The following MALRD1 variants were observed in gnomAD, a reference collection of about 807,000 sequenced individuals.
MALRD1 encodes MAM and LDL-receptor class A domain-containing protein 1.
MALRD1 carries 247 observed loss-of-function variants against 242.1 expected under a neutral mutation model. That is an observed-to-expected ratio of 1.02 (90% confidence interval 0.92 to 1.13). MALRD1 has a LOEUF of 1.13. Among genes scored for constraint, MALRD1 ranks in the 50% most tolerant of loss-of-function variants. MALRD1 has a pLI of 0.00. For missense variants in MALRD1, 2,989 were observed against 2,533.1 expected (o/e 1.18, Z -3.86); for synonymous variants, 995 against 866.6 (o/e 1.15, Z -2.60).
intron 4 of MALRD1, among the ~76,000 whole-genome samples, chr10:19,097,998 C>G (rs1836106609): frequency 6.6e-6 from 1 of 152,038 alleles, no homozygotes; most frequent in South Asian, 2.1e-4. Flanking sequence ...ATTGAGTGGC[C>G]ATTCTTTTAT....
intron 26 of MALRD1, among the ~76,000 whole-genome samples, chr10:19,366,979 A>C: frequency 6.6e-6 from 1 of 152,060 alleles, no homozygotes; most frequent in Non-Finnish European, 1.5e-5. Context: ...TTTGCATTTA[A>C]AATTTTTTTA....
At chr10:19,235,017 A>G (rs1191580543) in intron 18 of MALRD1, among the ~76,000 whole-genome samples, 2 of 152,204 alleles carry the variant, frequency 1.3e-5, no homozygotes, top group Non-Finnish European at 2.9e-5. Context: ...AAAAAGTTCC[A>G]GAATGCATGG....
chr10:19,275,647 C>A (rs762218507), intron 19 of MALRD1, among the ~76,000 whole-genome samples: 1 of 151,380 alleles, frequency 6.6e-6, no homozygotes, highest in Non-Finnish European at 1.5e-5. Context: ...CCAGCCTGGG[C>A]GACAGAGCGA....
chr10:19,123,881 T>A (rs1402356574), intron 6 of MALRD1, among the ~76,000 whole-genome samples: 1 of 152,000 alleles, frequency 6.6e-6, no homozygotes, highest in African/African-American at 2.4e-5. Context: ...TCTAATCCCA[T>A]AAAGTAGATA....
At chr10:19,131,587 C>A (rs966456725) in intron 8 of MALRD1, among the ~76,000 whole-genome samples, 2 of 152,070 alleles carry the variant, frequency 1.3e-5, no homozygotes, top group Non-Finnish European at 2.9e-5. Context: ...ACCAAATTTA[C>A]TTGTAATTCT....
intron 29 of MALRD1, among the ~76,000 whole-genome samples, chr10:19,472,085 C>T (rs1054164369): frequency 2.6e-5 from 4 of 151,866 alleles, no homozygotes; most frequent in Non-Finnish European, 5.9e-5. Flanking sequence ...TCCTTCTATA[C>T]CTAAATTTGT....
At chr10:19,374,978 G>C (rs143601536) in intron 26 of MALRD1, among the ~76,000 whole-genome samples, 3 of 152,248 alleles carry the variant, frequency 2.0e-5, no homozygotes, top group African/African-American at 7.2e-5. Flanking sequence ...CCTACCACGT[G>C]CAATGATAAT....
rs778174694 is a variant in MALRD1 at position 19,327,660 on chromosome 10, G to A, written c.3674G>A (p.Arg1225His). 26 of 1,548,956 alleles carry A rather than the reference G, an allele frequency of 1.7e-5. No homozygotes were observed. The highest frequency in any genetic ancestry group is 5.9e-5 in the Admixed American group (3 of 50,928). Residue 1225 changes from arginine (R) to histidine (H), a missense_variant, in exon 23 of 40, where the codon CGT (arginine) becomes CAT (histidine). Coordinates refer to ENST00000454679, the MANE Select transcript of MALRD1 (RefSeq NM_001142308.3). Reference sequence around the variant, plus strand: ...AGAGCAGAAGTGTTTTTAGGCATTCGTTCACATACACAGGTGTGTAATACA... The same window carrying A: ...AGAGCAGAAGTGTTTTTAGGCATTCATTCACATACACAGGTGTGTAATACA... Reference protein sequence around the residue: ...WKRAEVFLGIRSHTQIVFRAK... With the variant: ...WKRAEVFLGIHSHTQIVFRAK...
intron 33 of MALRD1, among the ~76,000 whole-genome samples, chr10:19,594,115 G>A (rs1006471316): frequency 2.6e-5 from 4 of 152,158 alleles, no homozygotes; most frequent in Admixed American, 1.3e-4. Context: ...TATTGTAACA[G>A]TTCCCTTAAA....
rs957231120 is a variant in MALRD1 at position 19,229,115 on chromosome 10, G to C, written c.2991+19435G>C. Among the ~76,000 whole-genome samples, 7 of 152,158 alleles carry C rather than the reference G, an allele frequency of 4.6e-5. No individual in the cohort carries two copies. In the East Asian group the frequency reaches 1.4e-3, roughly 29 times the overall value. On this transcript the variant is annotated intron_variant, in intron 18 of 39. Transcript: ENST00000454679. ...GAAATAAAAATAAAGTGAACACACT[G>C]ATAAAAGAATTTGAAAAGAATTTGC...
chr10:19,613,462 T>C (rs1838993236), intron 35 of MALRD1, among the ~76,000 whole-genome samples: 1 of 151,990 alleles, frequency 6.6e-6, no homozygotes. Flanking sequence ...TATCCTCGAC[T>C]CTTGCAAATA....
chr10:19,652,391 C>T (rs577448969), intron 36 of MALRD1, among the ~76,000 whole-genome samples: 4 of 152,146 alleles, frequency 2.6e-5, no homozygotes, highest in East Asian at 3.9e-4. Context: ...TAGTAGTGCT[C>T]GAGTATGTGG....
rs570734380 is a variant in MALRD1 at position 19,138,701 on chromosome 10, T to A, written c.1411+1920T>A. Among the ~76,000 whole-genome samples, 22 of 152,316 alleles carry A rather than the reference T, an allele frequency of 1.4e-4. No individual in the cohort carries two copies. In the South Asian group the frequency reaches 4.3e-3, roughly 30 times the overall value. On this transcript the variant is annotated intron_variant, in intron 10 of 39. Coordinates refer to ENST00000454679, the MANE Select transcript of MALRD1 (RefSeq NM_001142308.3). ...TCCCAAAGTGCTGGGATTACAGACA[T>A]GAGCCACTGCACCTGGGCACTTGTA...
chr10:19,076,167 A>G (rs950258617), intron 2 of MALRD1, among the ~76,000 whole-genome samples: 3 of 151,948 alleles, frequency 2.0e-5, no homozygotes, highest in Admixed American at 2.0e-4. Flanking sequence ...ATCATGCCAA[A>G]AATTAAGGAT....
intron 31 of MALRD1, among the ~76,000 whole-genome samples, chr10:19,526,309 T>A (rs1333030541): frequency 7.3e-5 from 11 of 150,990 alleles, no homozygotes; most frequent in Admixed American, 5.3e-4. Context: ...CATGAATTTC[T>A]ATTAATAATT....
chr10:19,699,838 C>G (rs1454411199), intron 38 of MALRD1, among the ~76,000 whole-genome samples: 1 of 151,978 alleles, frequency 6.6e-6, no homozygotes, highest in South Asian at 2.1e-4. Context: ...ACAGTAAGAA[C>G]AGCACCAAGT....
intron 36 of MALRD1, among the ~76,000 whole-genome samples, chr10:19,630,773 T>G (rs928108420): frequency 7.2e-5 from 11 of 152,170 alleles, no homozygotes; most frequent in African/African-American, 2.7e-4. Context: ...AATATGTATT[T>G]ATAAGCATAT....
rs28657856 is a variant in MALRD1 at position 19,113,821 on chromosome 10, A to T, written c.695-9671A>T. ...CACACACACACACACACACACACACACACACACACAGACACACACACACAG... is the reference window on the plus strand; with the variant it reads ...CACACACACACACACACACACACACTCACACACACAGACACACACACACAG... On this transcript the variant is annotated intron_variant, in intron 5 of 39. Transcript: ENST00000454679. Among the ~76,000 whole-genome samples, 21 of 134,608 alleles carry T rather than the reference A, an allele frequency of 1.6e-4. No individual in the cohort carries two copies. In the South Asian group the frequency reaches 3.2e-3, roughly 20 times the overall value. 88.3% of individuals were successfully genotyped at this position (134,608 alleles called of 152,430 possible).
chr10:19,069,608 C>T (rs1337140431), intron 2 of MALRD1, among the ~76,000 whole-genome samples: 1 of 151,770 alleles, frequency 6.6e-6, no homozygotes, highest in Admixed American at 6.6e-5. Flanking sequence ...GTTTTTCCCC[C>T]TGAAAATGTT....
Sources: gnomAD v4.1 joint callset for allele counts (sites outside exome capture counted in the v4.1 genomes callset) on GRCh38, gnomAD v4.1.1 for gene constraint, MANE v1.5 for transcripts, NCBI Gene and HGNC (gene_info 2026-07-23, HGNC 2026-07-21) for gene names.